Variants in PLEKHM3 observed in about 807,000 individuals in gnomAD.
PLEKHM3 encodes the protein pleckstrin homology domain containing M3, also known as pleckstrin homology domain-containing family M member 3.
Under a neutral mutation model 81.8 loss-of-function variants are expected in PLEKHM3, and 45 were observed. That is an observed-to-expected ratio of 0.55 (90% CI 0.43 to 0.71). The LOEUF is 0.71. PLEKHM3 is among the 30% of genes least tolerant of loss of function. PLEKHM3 has a pLI of 0.00. For synonymous variants in PLEKHM3, 352 were observed against 356.4 expected (o/e 0.99, Z 0.14); for missense variants, 788 against 924.3 (o/e 0.85, Z 1.91).
rs1310981589 is a variant in PLEKHM3, at chr2:207,821,502, CAGAA to C, written c.*6813_*6816del. The C allele has an allele frequency of 6.6e-6, 1 of 151,906 alleles. No homozygotes were observed. Among genetic ancestry groups the C allele is most frequent in the African/African-American group, 2.4e-5 (1 of 41,370 alleles). The allele number at this position is 151,906 out of a possible 1,614,324, so 9.4% of individuals were successfully genotyped here. The stretch of plus-strand genomic sequence containing the variant: ...AAAACAAAAGGTAAAATCCAAAAAA[CAGAA>C]AGAACACATATATAAGTTAGCACAT... On this transcript the variant is annotated 3_prime_UTR_variant, in exon 8 of 8. Transcript: ENST00000427836.
At chr2:207,933,784 C>T (rs911302546) in intron 4 of PLEKHM3, among the ~76,000 whole-genome samples, 2 of 152,214 alleles carry the variant, frequency 1.3e-5, no homozygotes, top group African/African-American at 2.4e-5. Flanking sequence ...TCAACCATGT[C>T]GGAGGCGCTG....
At chr2:207,963,245 G>T (rs935814120) in intron 3 of PLEKHM3, among the ~76,000 whole-genome samples, 1 of 147,474 alleles carries the variant, frequency 6.8e-6, no homozygotes, top group African/African-American at 2.7e-5. Context: ...ATATGCAAAG[G>T]CTCTAAGGTG....
At chr2:207,970,938 CAAGGAGT>C (rs992052114) in intron 3 of PLEKHM3, among the ~76,000 whole-genome samples, 12 of 152,352 alleles carry the variant, frequency 7.9e-5, no homozygotes, top group African/African-American at 2.6e-4. Context: ...AAACAGCAGC[CAAGGAGT>C]AAAACCATAA....
intron 6 of PLEKHM3, among the ~76,000 whole-genome samples, chr2:207,866,132 T>C (rs2092499451): frequency 6.6e-6 from 1 of 152,040 alleles, no homozygotes; most frequent in Non-Finnish European, 1.5e-5. Flanking sequence ...TTTCATCACA[T>C]ACCATCTCTT....
chr2:207,841,248 C>T (rs1272432938), intron 7 of PLEKHM3, among the ~76,000 whole-genome samples: 1 of 150,646 alleles, frequency 6.6e-6, no homozygotes, highest in Non-Finnish European at 1.5e-5. Flanking sequence ...GGGCAGATCA[C>T]GAGGTCAGGG....
intron 5 of PLEKHM3, among the ~76,000 whole-genome samples, chr2:207,921,134 C>T (rs539101432): frequency 1.3e-3 from 203 of 152,198 alleles, no homozygotes; most frequent in Non-Finnish European, 2.1e-3. Context: ...CTGCAAGTTC[C>T]GCCTCCTGGG....
intron 4 of PLEKHM3, among the ~76,000 whole-genome samples, chr2:207,934,591 C>T (rs565841950): frequency 2.0e-4 from 31 of 152,296 alleles, no homozygotes; most frequent in Non-Finnish European, 4.1e-4. Flanking sequence ...TTCTTCACAA[C>T]CCTGCCATCT....
intron 3 of PLEKHM3, among the ~76,000 whole-genome samples, chr2:207,969,189 A>G (rs1258608799): frequency 6.6e-6 from 1 of 152,238 alleles, no homozygotes; most frequent in South Asian, 2.1e-4. Context: ...TTGTTTTTCA[A>G]GAGCGTAATA....
chr2:207,868,773 G>A (rs1023769720), intron 6 of PLEKHM3: 1 of 152,010 alleles, frequency 6.6e-6, no homozygotes, highest in Non-Finnish European at 1.5e-5. Flanking sequence ...AGCTATGAAG[G>A]CCACATGTCA....
At chr2:207,981,267 T>C (rs982161959) in intron 2 of PLEKHM3, among the ~76,000 whole-genome samples, 1 of 152,142 alleles carries the variant, frequency 6.6e-6, no homozygotes, top group African/African-American at 2.4e-5. Context: ...GTGTATGATA[T>C]AAAAGTTATA....
chr2:207,925,248 G>A (rs1192887178), intron 5 of PLEKHM3, among the ~76,000 whole-genome samples: 2 of 151,876 alleles, frequency 1.3e-5, no homozygotes, highest in African/African-American at 4.8e-5. Context: ...CATGGTCCCT[G>A]AGGGATCCGG....
rs566813528 is a variant in PLEKHM3, at chr2:207,908,526, G to A, written c.1938C>T (p.Ala646=). 37 of 1,611,220 alleles carry A rather than the reference G, an allele frequency of 2.3e-5. 1 individual carries two copies. The highest frequency in any genetic ancestry group is 6.8e-5 in the Admixed American group (4 of 59,210). ...TCTGAGCACTTACCTGCTGCAGGTC[G>A]GCAAGTGAATACAGGTGGATCTGTT... ...LLQQIHLYSL[A]DLQQVIEGKL... The change falls in exon 6 of 8, where the codon GCC becomes GCT. Residue 646 remains alanine, a synonymous_variant. Coordinates refer to ENST00000427836, the MANE Select transcript of PLEKHM3 (RefSeq NM_001080475.3).
chr2:207,983,094 C>T (rs1040020005), intron 2 of PLEKHM3, among the ~76,000 whole-genome samples: 4 of 150,558 alleles, frequency 2.7e-5, no homozygotes. Context: ...CTCTGTCGCC[C>T]AGGCTGGAGT....
rs375203800 is a variant in PLEKHM3, at chr2:207,965,281, G to A, written c.1546+11370C>T. On this transcript the variant is annotated intron_variant, in intron 3 of 7. Transcript: ENST00000427836. Reference sequence around the variant, plus strand: ...TAACACTCTCTTTAGAAGTTACGCCGGAAATGAACACATGATGAGAACAAT... The same window carrying A: ...TAACACTCTCTTTAGAAGTTACGCCAGAAATGAACACATGATGAGAACAAT... 2.3e-4 allele frequency among the ~76,000 whole-genome samples: 35 copies of A among 151,728 alleles called. No homozygotes were observed. In the East Asian group the frequency reaches 3.1e-3, roughly 13 times the overall value.
In PLEKHM3 at chr2:207,835,970, C is replaced by T. The variant is rs2105883919; in HGVS notation, c.2109-7474G>A. 3.3e-5 allele frequency among the ~76,000 whole-genome samples: 5 copies of T among 152,230 alleles called. No homozygotes were observed. The South Asian group carries it at 1.0e-3, about 32-fold the overall frequency. The stretch of plus-strand genomic sequence containing the variant: ...TGTTTTAACTGTTGGGACAGCTGCA[C>T]CAGAGTTAACTGGGTGCATGTCAAC... On this transcript the variant is annotated intron_variant, in intron 7 of 7. Transcript: ENST00000427836.
At chr2:207,838,457 T>G (rs1423705101) in intron 7 of PLEKHM3, among the ~76,000 whole-genome samples, 2 of 152,254 alleles carry the variant, frequency 1.3e-5, no homozygotes, top group African/African-American at 2.4e-5. Context: ...TAAAATAGAA[T>G]GTAAATAAGG....
intron 1 of PLEKHM3, among the ~76,000 whole-genome samples, chr2:208,004,717 C>T (rs1156371539): frequency 6.6e-6 from 1 of 152,152 alleles, no homozygotes; most frequent in Admixed American, 6.5e-5. Flanking sequence ...TCATATGACC[C>T]TCCCTGACCA....
intron 4 of PLEKHM3, among the ~76,000 whole-genome samples, chr2:207,940,888 TTCTC>T (rs1436055063): frequency 1.3e-5 from 2 of 152,230 alleles, no homozygotes; most frequent in Non-Finnish European, 2.9e-5. Context: ...GGGTTCTTCT[TTCTC>T]TCAAGTTAGG....
intron 7 of PLEKHM3, among the ~76,000 whole-genome samples, chr2:207,859,530 GT>G (rs1229714858): frequency 2.0e-5 from 3 of 151,204 alleles, no homozygotes; most frequent in Non-Finnish European, 4.4e-5. Context: ...CAATTAAGTT[GT>G]TTCTACTTTT....
Sources: allele counts gnomAD v4.1 joint callset (sites outside exome capture counted in the v4.1 genomes callset), GRCh38; gene constraint gnomAD v4.1.1; transcripts MANE v1.5; gene names NCBI Gene and HGNC (gene_info 2026-07-23, HGNC 2026-07-21).